The following MAPT variants were observed in gnomAD, a reference collection of about 807,000 sequenced individuals.
MAPT encodes the protein microtubule-associated protein tau.
MAPT carries 34 observed loss-of-function variants against 67.9 expected under a neutral mutation model. The ratio of observed to expected loss-of-function variants is 0.50; its 90% CI spans 0.38 to 0.67. MAPT has a LOEUF of 0.67. Among genes scored for constraint, MAPT ranks in the 30% least tolerant of loss-of-function variants. The probability of loss-of-function intolerance (pLI) is 0.00; values close to 1 mark genes in which losing one functional copy is unlikely to be tolerated. For missense variants in MAPT, 881 were observed against 1,115.2 expected (o/e 0.79, Z 2.99); for synonymous variants, 456 against 464.5 (o/e 0.98, Z 0.23).
In MAPT at chr17:45,989,944, C is replaced by T. The variant is rs1368767349; in HGVS notation, c.1474C>T (p.Pro492Ser). 8 of 1,614,198 alleles carry T rather than the reference C, an allele frequency of 5.0e-6. No individual in the cohort carries two copies. The highest frequency in any genetic ancestry group is 5.9e-6 in the Non-Finnish European group (7 of 1,180,042). The change falls in exon 7 of 13, where the codon CCT (proline) becomes TCT (serine). Residue 492 changes from proline to serine, a missense_variant. By Grantham distance (74) the Pro-to-Ser change is moderately conservative. Transcript: ENST00000262410. ...RPCLSPKHPT[P>S]GSSDPLIQPS... The stretch of plus-strand genomic sequence containing the variant: ...TTGCCTTAGCCCCAAACACCCCACT[C>T]CTGGTAGCTCAGACCCTCTGATCCA...
intron 1 of MAPT, chr17:45,895,006 G>A (rs997287618): frequency 1.3e-5 from 2 of 156,164 alleles, no homozygotes; most frequent in Non-Finnish European, 2.8e-5. Context: ...TGGGGGAGGG[G>A]GCTGCCCTTC....
intron 1 of MAPT, among the ~76,000 whole-genome samples, chr17:45,904,123 T>G (rs1431502163): frequency 2.9e-5 from 1 of 34,086 alleles, no homozygotes; most frequent in Non-Finnish European, 5.1e-5. Context: ...TATTATATAT[T>G]ATATATTATA....
chr17:45,926,282 G>A (rs548601319), intron 1 of MAPT, among the ~76,000 whole-genome samples: 16 of 151,152 alleles, frequency 1.1e-4, no homozygotes, highest in East Asian at 7.8e-4. Context: ...CTAAGCTGTC[G>A]GTCAAATTTT....
intron 1 of MAPT, among the ~76,000 whole-genome samples, chr17:45,914,147 A>T (rs1007345820): frequency 3.4e-5 from 4 of 117,582 alleles, no homozygotes; most frequent in South Asian, 2.4e-4. Context: ...GAAAAAAAAA[A>T]ATTAATTTAA....
At chr17:46,018,844 G>C in intron 12 of MAPT, 114 bp downstream of exon 12, 1 of 783,610 alleles carries the variant, frequency 1.3e-6, no homozygotes, top group Non-Finnish European at 2.2e-6. Flanking sequence ...CTTCTGTGTT[G>C]ACTGGCTGGA....
intron 12 of MAPT, among the ~76,000 whole-genome samples, chr17:46,022,578 G>A (rs1430999549): frequency 6.6e-6 from 1 of 152,074 alleles, no homozygotes; most frequent in Non-Finnish European, 1.5e-5. Context: ...ATGGACATGT[G>A]CACACATATT....
chr17:45,963,906 G>A (rs777940084), intron 2 of MAPT, among the ~76,000 whole-genome samples: 3 of 152,134 alleles, frequency 2.0e-5, no homozygotes, highest in Non-Finnish European at 2.9e-5. Context: ...TGAGGAATTT[G>A]GGAATTAGGA....
rs1439578921 is a variant in MAPT, at chr17:45,969,905, A to G, written c.134-1954A>G. On this transcript the variant is annotated intron_variant, in intron 2 of 12. Coordinates refer to ENST00000262410, the MANE Select transcript of MAPT (RefSeq NM_001377265.1). ...CCTTCCTCCATCCATCCCATTATCC[A>G]TTTGATCATACATATATCATCTATA... Among the ~76,000 whole-genome samples the G allele has an allele frequency of 2.7e-5, 4 of 150,368 alleles. No individual in the cohort carries two copies. The East Asian group carries it at 8.0e-4, about 30-fold the overall frequency.
chr17:45,991,445 A>G lies in MAPT; in HGVS notation c.1606-15A>G, dbSNP rs552132578. 2.5e-6 allele frequency: 4 copies of G among 1,614,112 alleles called. No homozygotes were observed. Among genetic ancestry groups the G allele is most frequent in the East Asian group, 2.2e-5 (1 of 44,874 alleles). ...CCCAATGGTGAAAAACCCCTCTATC[A>G]TGTTTCATTTACAGGGGGCTGATGG... On this transcript the variant is annotated splice_polypyrimidine_tract_variant and intron_variant, in intron 7 of 12. Transcript: ENST00000262410.
intron 1 of MAPT, among the ~76,000 whole-genome samples, chr17:45,948,102 G>A (rs1421146513): frequency 6.6e-6 from 1 of 151,826 alleles, no homozygotes; most frequent in Non-Finnish European, 1.5e-5. Flanking sequence ...TGCCTCCCAG[G>A]TTCAAGCATT....
chr17:45,954,099 A>G (rs113477326), intron 1 of MAPT, among the ~76,000 whole-genome samples: 67 of 152,340 alleles, frequency 4.4e-4, no homozygotes, highest in African/African-American at 1.6e-3. Context: ...TTGAGCTAAG[A>G]ATGATTTTCA....
At chr17:45,992,577 G>A (rs994610533) in intron 8 of MAPT, among the ~76,000 whole-genome samples, 1 of 152,122 alleles carries the variant, frequency 6.6e-6, no homozygotes, top group African/African-American at 2.4e-5. Context: ...GAGTTATTTT[G>A]CAGCCAGGAG....
intron 3 of MAPT, chr17:45,977,489 T>G (rs897669692): frequency 1.3e-5 from 2 of 152,260 alleles, no homozygotes; most frequent in African/African-American, 4.8e-5. Context: ...CAACTTGCCT[T>G]ATAAACTTTT....
At chr17:45,914,677 C>G (rs1256891053) in intron 1 of MAPT, among the ~76,000 whole-genome samples, 3 of 151,754 alleles carry the variant, frequency 2.0e-5, no homozygotes, top group African/African-American at 7.3e-5. Flanking sequence ...ATTTCCATTT[C>G]TCTACTATTA....
At chr17:45,981,208 C>G (rs979516982) in intron 4 of MAPT, among the ~76,000 whole-genome samples, 4 of 152,172 alleles carry the variant, frequency 2.6e-5, no homozygotes, top group African/African-American at 9.7e-5. Context: ...CTTTTCCAAG[C>G]CCCTGAATCC....
rs1232117932 is a variant in MAPT at position 45,971,663 on chromosome 17, G to A, written c.134-196G>A. 2.0e-5 allele frequency among the ~76,000 whole-genome samples: 3 copies of A among 152,190 alleles called. No homozygotes were observed. The highest frequency in any genetic ancestry group is 4.4e-5 in the Non-Finnish European group (3 of 68,034). On this transcript the variant is annotated intron_variant, in intron 2 of 12. Transcript: ENST00000262410. The surrounding 1 kb of genome is among the most constrained non-coding windows in gnomAD (Gnocchi z 4.3). The stretch of plus-strand genomic sequence containing the variant: ...TGTGTCCTCATCTGATGGCCCTGGT[G>A]TGGGGCACAGTCGTGTTGGCAGGGA...
intron 6 of MAPT, among the ~76,000 whole-genome samples, chr17:45,988,988 G>A (rs1379495066): frequency 2.0e-5 from 3 of 151,784 alleles, no homozygotes; most frequent in Non-Finnish European, 4.4e-5. Flanking sequence ...TAATCAGAAA[G>A]CACATGTGTG....
chr17:46,000,224 G>A (rs117439168), intron 9 of MAPT, among the ~76,000 whole-genome samples: 3,179 of 152,324 alleles, frequency 0.021, 33 homozygotes, highest in Middle Eastern at 0.044. Flanking sequence ...GAAAACTGCC[G>A]CAGATTGCTG....
chr17:45,961,775 G>GTTT (rs532052263), intron 1 of MAPT, among the ~76,000 whole-genome samples: 1 of 142,220 alleles, frequency 7.0e-6, no homozygotes, highest in Non-Finnish European at 1.5e-5. Context: ...TATTTGTTTT[G>GTTT]TTTTTTTTTT....
Sources: allele counts gnomAD v4.1 joint callset (sites outside exome capture counted in the v4.1 genomes callset), GRCh38; gene constraint gnomAD v4.1.1; non-coding constraint Gnocchi (gnomAD v3.1); transcripts MANE v1.5; gene names NCBI Gene and HGNC (gene_info 2026-07-23, HGNC 2026-07-21).